The following RMDN2 variants were observed in gnomAD, a reference collection of about 807,000 sequenced individuals.
RMDN2 encodes regulator of microtubule dynamics protein 2.
In RMDN2, 61 loss-of-function variants were observed where a neutral mutation model predicts 52.8. The observed-to-expected ratio is 1.16, with a 90% CI of 0.94 to 1.43. RMDN2 has a LOEUF of 1.43. RMDN2 is among the 40% of genes most tolerant of loss of function. RMDN2 has a pLI of 0.00. For missense variants in RMDN2, 592 were observed against 475.3 expected (o/e 1.25, Z -2.28); for synonymous variants, 180 against 153.1 (o/e 1.18, Z -1.30).
intron 2 of RMDN2, among the ~76,000 whole-genome samples, chr2:37,932,534 A>C (rs1450198011): frequency 2.0e-5 from 3 of 151,202 alleles, no homozygotes; most frequent in Non-Finnish European, 4.4e-5. Context: ...CTATTCCACA[A>C]AACCGCCATT....
At chr2:38,016,004 A>G (rs17021846) in intron 10 of RMDN2, among the ~76,000 whole-genome samples, 13,026 of 152,324 alleles carry the variant, frequency 0.086, 648 homozygotes, top group African/African-American at 0.13. Flanking sequence ...GGGCAATTGC[A>G]TAAATATAGC....
chr2:37,990,316 C>T lies in RMDN2; in HGVS notation c.867+700C>T, dbSNP rs146069104. ...GGCAGATTGCTTGAGGCCAGGAGTT[C>T]GAGACCAGCCTGGCCAACATGGTGA... is the stretch of plus-strand genomic sequence containing the variant. On this transcript the variant is annotated intron_variant, in intron 6 of 10. Coordinates refer to ENST00000354545, the MANE Select transcript of RMDN2 (RefSeq NM_001170791.3). 9.7e-3 allele frequency among the ~76,000 whole-genome samples: 1,460 copies of T among 150,624 alleles called. 27 individuals are homozygous for T. Among genetic ancestry groups the T allele is most frequent in the African/African-American group, 0.034 (1,375 of 41,042 alleles).
chr2:37,990,129 T>TGA (rs1674572205), intron 6 of RMDN2, among the ~76,000 whole-genome samples: 1 of 121,218 alleles, frequency 8.2e-6, no homozygotes, highest in South Asian at 2.5e-4. Flanking sequence ...GGTGACAGAG[T>TGA]GAGACTCCGT....
chr2:38,034,178 C>G (rs541723058), intron 10 of RMDN2, among the ~76,000 whole-genome samples: 1 of 152,322 alleles, frequency 6.6e-6, no homozygotes, highest in Non-Finnish European at 1.5e-5. Flanking sequence ...CACCCTTTGA[C>G]TGCTCTGCCT....
rs1389481748 is a variant in RMDN2 at position 38,044,352 on chromosome 2, GATTTTGTTTTCGGT to G, written c.1714-22625_1714-22612del. ...TTCTCCAGTTTGAATATGATATGCA[GATTTTGTTTTCGGT>G]ATTTATCCCTCCTGGTTTTCTCTGG... On this transcript the variant is annotated intron_variant, in intron 10 of 10. Coordinates refer to the RMDN2 transcript ENST00000234195. 5.9e-5 allele frequency among the ~76,000 whole-genome samples: 9 copies of G among 151,998 alleles called. No individual in the cohort carries two copies. The South Asian group carries it at 6.2e-4, about 11-fold the overall frequency.
At chr2:37,982,499 A>G (rs2125104444) in intron 5 of RMDN2, among the ~76,000 whole-genome samples, 1 of 152,200 alleles carries the variant, frequency 6.6e-6, no homozygotes, top group Non-Finnish European at 1.5e-5. Flanking sequence ...CCCTGTAGAA[A>G]TCCTCACTCC....
intron 6 of RMDN2, among the ~76,000 whole-genome samples, chr2:37,990,854 T>C (rs1272600015): frequency 6.6e-6 from 1 of 152,196 alleles, no homozygotes; most frequent in Admixed American, 6.5e-5. Flanking sequence ...TCTGCTATTT[T>C]TTCTGCCATT....
chr2:37,944,792 G>C (rs1668086820), intron 2 of RMDN2, among the ~76,000 whole-genome samples: 2 of 152,100 alleles, frequency 1.3e-5, no homozygotes, highest in South Asian at 4.1e-4. Context: ...GGGGTATCAG[G>C]TCCAGAGAAC....
chr2:37,961,176 T>G (rs1344990711), intron 2 of RMDN2, among the ~76,000 whole-genome samples: 1 of 152,130 alleles, frequency 6.6e-6, no homozygotes, highest in African/African-American at 2.4e-5. Context: ...TTGGGGTTGC[T>G]CTTCTCGAGG....
upstream of RMDN2, among the ~76,000 whole-genome samples, chr2:37,923,538 T>C (rs565709640): frequency 2.0e-5 from 3 of 152,366 alleles, no homozygotes; most frequent in East Asian, 1.9e-4. Context: ...GTCATGTTTC[T>C]TTGGTATCTA....
At chr2:37,988,415 C>T (rs915245711) in intron 5 of RMDN2, among the ~76,000 whole-genome samples, 1 of 152,104 alleles carries the variant, frequency 6.6e-6, no homozygotes, top group Non-Finnish European at 1.5e-5. Flanking sequence ...GGTCCTCCTC[C>T]TTGCTTTTAC....
At chr2:37,987,805 T>A (rs1674231168) in intron 5 of RMDN2, among the ~76,000 whole-genome samples, 6 of 152,186 alleles carry the variant, frequency 3.9e-5, no homozygotes, top group Admixed American at 3.9e-4. Context: ...TTGCCTGTAA[T>A]CCCAGCGCTT....
At chr2:38,026,318 A>G (rs1488123168) in intron 10 of RMDN2, among the ~76,000 whole-genome samples, 1 of 151,950 alleles carries the variant, frequency 6.6e-6, no homozygotes, top group Non-Finnish European at 1.5e-5. Flanking sequence ...CTCATTCTTG[A>G]TATTTGTAAT....
chr2:38,043,238 T>G (rs1424329959), intron 10 of RMDN2, among the ~76,000 whole-genome samples: 1 of 152,220 alleles, frequency 6.6e-6, no homozygotes, highest in Non-Finnish European at 1.5e-5. Context: ...TTTAAAATTA[T>G]GTAGTGACCA....
chr2:37,927,166 T>A, intron 1 of RMDN2, among the ~76,000 whole-genome samples: 1 of 152,360 alleles, frequency 6.6e-6, no homozygotes, highest in East Asian at 1.9e-4. Flanking sequence ...CTAGTTAATT[T>A]TTGTGGTTCT....
chr2:37,955,199 C>T (rs1218558826), intron 2 of RMDN2, among the ~76,000 whole-genome samples: 1 of 152,008 alleles, frequency 6.6e-6, no homozygotes, highest in Non-Finnish European at 1.5e-5. Context: ...GTCATCTTGC[C>T]TAGTTGCACT....
intron 2 of RMDN2, among the ~76,000 whole-genome samples, chr2:37,943,406 C>G (rs1048898039): frequency 1.3e-5 from 2 of 152,162 alleles, no homozygotes; most frequent in African/African-American, 4.8e-5. Context: ...TCTTTCTGAT[C>G]CAAGCAGGAA....
At chr2:38,012,518 G>T (rs1678147874) in intron 10 of RMDN2, 1 of 437,620 alleles carries the variant, frequency 2.3e-6, no homozygotes, top group Non-Finnish European at 4.6e-6. Flanking sequence ...CCTAATGAAT[G>T]TAAGAAGGCT....
At chr2:38,054,068 A>G (rs1190311844) in intron 10 of RMDN2, among the ~76,000 whole-genome samples, 2 of 152,214 alleles carry the variant, frequency 1.3e-5, no homozygotes, top group African/African-American at 2.4e-5. Context: ...CCTATGAACT[A>G]TACTAGTAGA....
Sources: allele counts gnomAD v4.1 joint callset (sites outside exome capture counted in the v4.1 genomes callset), GRCh38; gene constraint gnomAD v4.1.1; transcripts MANE v1.5; gene names NCBI Gene and HGNC (gene_info 2026-07-23, HGNC 2026-07-21).